The following TMEM74 variants were observed in gnomAD, a reference collection of about 807,000 sequenced individuals.
TMEM74 encodes the protein transmembrane protein 74.
A neutral mutation model predicts 18.1 loss-of-function variants in TMEM74; 13 were observed. The observed-to-expected ratio is 0.72, with a 90% CI of 0.47 to 1.14. The LOEUF (loss-of-function observed/expected upper bound fraction) is 1.14. Among genes scored for constraint, TMEM74 ranks in the 50% most tolerant of loss-of-function variants. The pLI, the probability that TMEM74 is intolerant of heterozygous loss-of-function variation, is 0.00. For missense variants in TMEM74, 372 were observed against 375.9 expected (o/e 0.99, Z 0.09); for synonymous variants, 159 against 146.6 (o/e 1.08, Z -0.61).
At chr8:108,727,634 C>A (rs999871186) in intron 1 of TMEM74, among the ~76,000 whole-genome samples, 1 of 152,132 alleles carries the variant, frequency 6.6e-6, no homozygotes, top group African/African-American at 2.4e-5. Flanking sequence ...GCTGGGAAAG[C>A]AGTTTGATAT....
intron 1 of TMEM74, among the ~76,000 whole-genome samples, chr8:108,724,347 TTGAG>T (rs1473229577): frequency 6.6e-6 from 1 of 152,166 alleles, no homozygotes; most frequent in Non-Finnish European, 1.5e-5. Flanking sequence ...CCTTATTTAA[TTGAG>T]TATCAACAGA....
intron 2 of TMEM74, among the ~76,000 whole-genome samples, chr8:108,649,350 C>A (rs998547997): frequency 6.6e-6 from 1 of 151,878 alleles, no homozygotes; most frequent in Admixed American, 6.6e-5. Context: ...TAAATGCCAG[C>A]AGAATTGAAA....
chr8:108,669,509 A>G (rs1812981861), intron 1 of TMEM74, among the ~76,000 whole-genome samples: 1 of 152,198 alleles, frequency 6.6e-6, no homozygotes, highest in South Asian at 2.1e-4. Flanking sequence ...AGAAAATCAT[A>G]TCCTTCAATT....
At chr8:108,729,309 C>G (rs930609690) in intron 1 of TMEM74, among the ~76,000 whole-genome samples, 3 of 152,188 alleles carry the variant, frequency 2.0e-5, no homozygotes, top group Admixed American at 6.5e-5. Context: ...GTGGCCCTCT[C>G]CAGCAATGAT....
chr8:108,778,030 C>T (rs1048952627), downstream of TMEM74, among the ~76,000 whole-genome samples: 2 of 152,002 alleles, frequency 1.3e-5, no homozygotes, highest in Non-Finnish European at 2.9e-5. Context: ...TTTGCCTTCT[C>T]TGGAGACCTT....
chr8:108,665,842 T>C (rs77029827), intron 1 of TMEM74, among the ~76,000 whole-genome samples: 1 of 152,172 alleles, frequency 6.6e-6, no homozygotes, highest in Non-Finnish European at 1.5e-5. Context: ...TTCTAAAGGA[T>C]ACTTGATTCA....
intron 1 of TMEM74, among the ~76,000 whole-genome samples, chr8:108,787,137 G>A (rs1208615642): frequency 6.6e-6 from 1 of 152,048 alleles, no homozygotes; most frequent in African/African-American, 2.4e-5. Flanking sequence ...ACTTTCCCTC[G>A]TCCATCTGTC....
intron 2 of TMEM74, among the ~76,000 whole-genome samples, chr8:108,652,082 T>C (rs1355333264): frequency 6.6e-6 from 1 of 151,146 alleles, no homozygotes; most frequent in Non-Finnish European, 1.5e-5. Flanking sequence ...ATTTTTATAA[T>C]TGGATTTTTG....
intron 1 of TMEM74, among the ~76,000 whole-genome samples, chr8:108,675,590 A>T (rs1417497094): frequency 1.3e-5 from 2 of 152,238 alleles, no homozygotes; most frequent in Non-Finnish European, 2.9e-5. Flanking sequence ...TTTTTAAAGT[A>T]ATCTGGTCAC....
intron 1 of TMEM74, among the ~76,000 whole-genome samples, chr8:108,700,435 G>T (rs1051680408): frequency 6.6e-6 from 1 of 151,968 alleles, no homozygotes; most frequent in Non-Finnish European, 1.5e-5. Flanking sequence ...AAATAAAATT[G>T]TGCCCTAGGA....
At chr8:108,773,615 C>T (rs956733195) in intron 1 of TMEM74, among the ~76,000 whole-genome samples, 17 of 152,074 alleles carry the variant, frequency 1.1e-4, no homozygotes, top group Admixed American at 3.3e-4. Context: ...CAAAACTGGG[C>T]CATAAAATCC....
At chr8:108,740,562 C>T (rs1027887178) in intron 1 of TMEM74, among the ~76,000 whole-genome samples, 4 of 152,130 alleles carry the variant, frequency 2.6e-5, no homozygotes, top group Non-Finnish European at 5.9e-5. Flanking sequence ...TGTGGTAAAC[C>T]TTGTGTCAAG....
chr8:108,770,981 GTCAC>G lies in TMEM74; in HGVS notation n.119+16491_119+16494del, dbSNP rs572244496. ...CTGAGAAGGTCCCACATCGTCCCTTGTCACTCACTCCAGTGTAACAATCCTGACA... is the reference window on the plus strand; with the variant it reads ...CTGAGAAGGTCCCACATCGTCCCTTGTCACTCCAGTGTAACAATCCTGACA... On this transcript the variant is annotated intron_variant and non_coding_transcript_variant, in intron 1 of 3. Transcript: ENST00000518838. Among the ~76,000 whole-genome samples the G allele has an allele frequency of 4.0e-3, 615 of 152,218 alleles. 2 individuals are homozygous for G. The highest frequency in any genetic ancestry group is 6.3e-3 in the Non-Finnish European group (428 of 68,008).
intron 1 of TMEM74, among the ~76,000 whole-genome samples, chr8:108,724,687 A>T (rs1288077238): frequency 6.6e-6 from 1 of 152,188 alleles, no homozygotes; most frequent in Non-Finnish European, 1.5e-5. Context: ...TTATACCTAG[A>T]CTAAAGCACC....
At chr8:108,617,106 T>A (rs1007264784) in intron 2 of TMEM74, among the ~76,000 whole-genome samples, 3 of 151,860 alleles carry the variant, frequency 2.0e-5, no homozygotes, top group South Asian at 4.1e-4. Flanking sequence ...TGTCACCTGA[T>A]CACTGAAAGA....
intron 1 of TMEM74, among the ~76,000 whole-genome samples, chr8:108,658,007 G>C (rs1812862832): frequency 6.7e-6 from 1 of 149,562 alleles, no homozygotes; most frequent in Admixed American, 6.7e-5. Context: ...TAGACACTAA[G>C]ACCACATAGA....
At position 108,615,748 on chromosome 8, in the gene TMEM74, G is replaced by GA. The variant is rs1375996888; in HGVS notation, n.265-6923dup. Among the ~76,000 whole-genome samples the GA allele has an allele frequency of 2.0e-5, 3 of 150,720 alleles. No individual in the cohort carries two copies. In the Admixed American group the frequency reaches 2.0e-4, roughly 10 times the overall value. On this transcript the variant is annotated intron_variant and non_coding_transcript_variant, in intron 2 of 3. Transcript: ENST00000518838. ...GTCCCGTGGGGAGCTCTGGATGTGG[G>GA]ATGACACTTTAGAGTTGGGGTAAGG... is the stretch of plus-strand genomic sequence containing the variant.
At chr8:108,691,175 C>T (rs1470318057) in intron 1 of TMEM74, among the ~76,000 whole-genome samples, 1 of 152,186 alleles carries the variant, frequency 6.6e-6, no homozygotes, top group Non-Finnish European at 1.5e-5. Flanking sequence ...GGGCCTGGGA[C>T]ATTTGCTTCC....
intron 1 of TMEM74, among the ~76,000 whole-genome samples, chr8:108,750,167 A>C (rs544305117): frequency 5.3e-4 from 80 of 152,270 alleles, no homozygotes; most frequent in African/African-American, 1.9e-3. Flanking sequence ...TCACTCTGAG[A>C]ATCAAAATAG....
Sources: allele counts gnomAD v4.1 joint callset (sites outside exome capture counted in the v4.1 genomes callset), GRCh38; gene constraint gnomAD v4.1.1; transcripts MANE v1.5; gene names NCBI Gene and HGNC (gene_info 2026-07-23, HGNC 2026-07-21).